Variants in SELENOI observed in about 807,000 individuals in gnomAD.
SELENOI encodes ethanolaminephosphotransferase 1.
Under a neutral mutation model 50.7 loss-of-function variants are expected in SELENOI, and 24 were observed. The ratio of observed to expected loss-of-function variants is 0.47; its 90% CI spans 0.34 to 0.67. SELENOI has a LOEUF of 0.67. Ranked by LOEUF, SELENOI falls within the 30% of genes least tolerant of loss-of-function variation. The probability of loss-of-function intolerance (pLI) is 0.01; values close to 1 mark genes in which losing one functional copy is unlikely to be tolerated. For missense variants in SELENOI, 352 were observed against 461.4 expected (o/e 0.76, Z 2.17); for synonymous variants, 155 against 170.2 (o/e 0.91, Z 0.70).
At chr2:26,359,214 C>A (rs1363760285) in intron 1 of SELENOI, among the ~76,000 whole-genome samples, 1 of 152,084 alleles carries the variant, frequency 6.6e-6, no homozygotes, top group Non-Finnish European at 1.5e-5. Context: ...GCTCTCCAAC[C>A]CCTGGTGTAT....
At position 26,346,154 on chromosome 2, in the gene SELENOI, C is replaced by T. The variant is rs766402419; in HGVS notation, c.-79C>T. 9.3e-6 allele frequency: 15 copies of T among 1,608,684 alleles called. No homozygotes were observed. In the South Asian group the frequency reaches 1.7e-4, roughly 18 times the overall value. On this transcript the variant is annotated 5_prime_UTR_variant, in exon 1 of 10. Transcript: ENST00000260585. Reference sequence around the variant, plus strand: ...GCAGCCCAGTCTTTGCCATCCTTGCCCAGCCGGTGTGGTGCTTGTGTGTCA... The same window carrying T: ...GCAGCCCAGTCTTTGCCATCCTTGCTCAGCCGGTGTGGTGCTTGTGTGTCA...
intron 1 of SELENOI, among the ~76,000 whole-genome samples, chr2:26,354,577 G>T (rs1186924016): frequency 6.6e-6 from 1 of 151,182 alleles, no homozygotes; most frequent in African/African-American, 2.4e-5. Context: ...TTTTTTAGTA[G>T]AGACGGGGTT....
rs552144939 is a variant in SELENOI at position 26,353,068 on chromosome 2, G to C, written c.57+6779G>C. On this transcript the variant is annotated intron_variant, in intron 1 of 9. Coordinates refer to ENST00000260585, the MANE Select transcript of SELENOI (RefSeq NM_033505.4). ...ACAAGATTGGCAGAACATGGTGACT[G>C]ACTAGCTGGAGGTGGTGTAGAGGGC... Among the ~76,000 whole-genome samples the C allele has an allele frequency of 2.0e-3, 308 of 152,310 alleles. 3 individuals carry two copies. The Middle Eastern group carries it at 0.034, about 17-fold the overall frequency.
At chr2:26,359,243 C>T (rs545829915) in intron 1 of SELENOI, among the ~76,000 whole-genome samples, 9 of 152,070 alleles carry the variant, frequency 5.9e-5, no homozygotes, top group Non-Finnish European at 1.0e-4. Flanking sequence ...ACCTAGATAA[C>T]GAAGGAGACT....
In SELENOI at chr2:26,389,030, A is replaced by G. The variant is rs1244976631; in HGVS notation, c.1121A>G (p.Gln374Arg). The change falls in exon 10 of 10, where the codon CAG becomes CGG. Residue 374 changes from glutamine (Q) to arginine (R), a missense_variant. Physicochemically the swap from Gln to Arg is conservative, Grantham distance 43. Transcript: ENST00000260585. ...GTAAAGCAGCTGAGCAGCCATTTTC[A>G]GATTTACCCCTTCTCATTGAGGAAA... is the stretch of plus-strand genomic sequence containing the variant. Reference protein sequence around the residue: ...RVVKQLSSHFQIYPFSLRKPN... With the variant: ...RVVKQLSSHFRIYPFSLRKPN... 5 of 1,589,648 alleles carry G rather than the reference A, an allele frequency of 3.1e-6. No homozygotes were observed. The East Asian group carries it at 9.0e-5, about 29-fold the overall frequency.
chr2:26,346,625 C>A (rs1175636728), intron 1 of SELENOI: 3 of 192,642 alleles, frequency 1.6e-5, no homozygotes, highest in African/African-American at 4.7e-5. Context: ...TTGTGTCAAT[C>A]GCCTTCATTT....
Position 26,392,237 on chromosome 2 carries a change from A to C in SELENOI, c.*3134A>C, listed in dbSNP as rs1187919558. 6.6e-6 allele frequency: 1 copy of C among 152,216 alleles called. No individual in the cohort carries two copies. Among genetic ancestry groups the C allele is most frequent in the Non-Finnish European group, 1.5e-5 (1 of 68,034 alleles). 9.4% of individuals were successfully genotyped at this position (152,216 alleles called of 1,614,324 possible). A position where few individuals can be genotyped will look rare whatever the true frequency, so the allele number is the denominator to read the frequency against. ...AATATACAAAGGAAAAAGCAGGCAT[A>C]GTTTCCACTTTAAAGGGAAGAAGGG... On this transcript the variant is annotated 3_prime_UTR_variant, in exon 10 of 10. Coordinates refer to ENST00000260585, the MANE Select transcript of SELENOI (RefSeq NM_033505.4).
intron 1 of SELENOI, among the ~76,000 whole-genome samples, chr2:26,351,995 G>T (rs1284712720): frequency 1.3e-5 from 2 of 152,080 alleles, no homozygotes; most frequent in Non-Finnish European, 2.9e-5. Context: ...ACAAAAATTA[G>T]CCGGGTGTTA....
At chr2:26,357,886 C>T (rs893793445) in intron 1 of SELENOI, among the ~76,000 whole-genome samples, 4 of 151,906 alleles carry the variant, frequency 2.6e-5, no homozygotes, top group South Asian at 4.2e-4. Flanking sequence ...GGGACCCATT[C>T]GGAGAAATTG....
intron 1 of SELENOI, among the ~76,000 whole-genome samples, chr2:26,353,639 G>A (rs573596367): frequency 5.3e-5 from 8 of 152,304 alleles, no homozygotes; most frequent in African/African-American, 1.9e-4. Context: ...CTTAGATAGT[G>A]ATTTATATAT....
chr2:26,370,353 C>T (rs1388248512), intron 4 of SELENOI, among the ~76,000 whole-genome samples: 9 of 151,672 alleles, frequency 5.9e-5, no homozygotes, highest in African/African-American at 1.5e-4. Context: ...CATCCTGGCC[C>T]GTTCTCAATG....
At chr2:26,365,921 C>T (rs1304086542) in intron 3 of SELENOI, among the ~76,000 whole-genome samples, 4 of 151,644 alleles carry the variant, frequency 2.6e-5, no homozygotes, top group African/African-American at 7.3e-5. Flanking sequence ...CCTGCCTCAG[C>T]GTCCTGAGTA....
chr2:26,373,313 TTCTCCA>T (rs1344782318), intron 4 of SELENOI, 48 bp from the exon 5 acceptor site: 6 of 1,538,102 alleles, frequency 3.9e-6, no homozygotes, highest in Non-Finnish European at 5.3e-6. Context: ...AAAGAAGACT[TTCTCCA>T]TCCTGGTGCA....
rs571475927 is a variant in SELENOI, at chr2:26,384,062, C to A, written c.731+715C>A. Reference sequence around the variant, plus strand: ...ATGTGCTTCTCCACTTTTGCTCAGCCACACTGAATTTGCCTATTGTGTCCT... The same window carrying A: ...ATGTGCTTCTCCACTTTTGCTCAGCAACACTGAATTTGCCTATTGTGTCCT... On this transcript the variant is annotated intron_variant, in intron 7 of 9. Coordinates refer to ENST00000260585, the MANE Select transcript of SELENOI (RefSeq NM_033505.4). Among the ~76,000 whole-genome samples, 194 of 152,138 alleles carry A rather than the reference C, an allele frequency of 1.3e-3. 3 individuals are homozygous for A. The highest frequency in any genetic ancestry group is 0.013 in the Admixed American group (192 of 15,282).
intron 9 of SELENOI, 36 bp from the exon 10 acceptor site, chr2:26,388,969 A>G (rs1427633553): frequency 1.4e-6 from 2 of 1,450,210 alleles, no homozygotes; most frequent in Admixed American, 3.9e-5. Context: ...AATAAGGTAC[A>G]TATTTGTCAC....
chr2:26,353,892 C>T (rs1325167808), intron 1 of SELENOI, among the ~76,000 whole-genome samples: 1 of 152,072 alleles, frequency 6.6e-6, no homozygotes, highest in African/African-American at 2.4e-5. Flanking sequence ...AAGAGTTTGC[C>T]TACTGCATAC....
chr2:26,386,629 A>G, intron 9 of SELENOI, 93 bp downstream of exon 9: 1 of 1,128,274 alleles, frequency 8.9e-7, no homozygotes, highest in South Asian at 2.2e-5. Flanking sequence ...GGAAAATTTT[A>G]AAAAGAAAGT....
chr2:26,371,835 TGAGAGGGAGACCATGGG>T (rs1677459056), intron 4 of SELENOI, among the ~76,000 whole-genome samples: 2 of 151,762 alleles, frequency 1.3e-5, no homozygotes, highest in Non-Finnish European at 2.9e-5. Flanking sequence ...CGGCTCGGCA[TGAGAGGGAGACCATGGG>T]GAGAGGGAAA....
intron 1 of SELENOI, among the ~76,000 whole-genome samples, chr2:26,358,248 C>T (rs922916402): frequency 2.0e-5 from 3 of 152,088 alleles, no homozygotes; most frequent in Non-Finnish European, 4.4e-5. Context: ...ACTAAAAATA[C>T]AAAATTTAGC....
Sources: allele counts gnomAD v4.1 joint callset (sites outside exome capture counted in the v4.1 genomes callset), GRCh38; gene constraint gnomAD v4.1.1; transcripts MANE v1.5; gene names NCBI Gene and HGNC (gene_info 2026-07-23, HGNC 2026-07-21).